The following GOLGA1 variants were observed in gnomAD, a reference collection of about 807,000 sequenced individuals.
GOLGA1 encodes golgin subfamily A member 1.
GOLGA1 carries 63 observed loss-of-function variants against 119.7 expected under a neutral mutation model. That is an observed-to-expected ratio of 0.53 (90% CI 0.43 to 0.65). GOLGA1 has a LOEUF of 0.65. Ranked by LOEUF, GOLGA1 falls within the 30% of genes least tolerant of loss-of-function variation. The pLI, the probability that GOLGA1 is intolerant of heterozygous loss-of-function variation, is 0.00. For synonymous variants in GOLGA1, 318 were observed against 333.4 expected, an observed-to-expected ratio of 0.95 and a Z score of 0.50; for missense variants, 798 against 912.8, an observed-to-expected ratio of 0.87 and a Z score of 1.62.
At chr9:124,908,726 A>G (rs1306926869) in intron 11 of GOLGA1, among the ~76,000 whole-genome samples, 1 of 152,266 alleles carries the variant, frequency 6.6e-6, no homozygotes, top group Non-Finnish European at 1.5e-5. Flanking sequence ...GTGTCCACAA[A>G]GAGGAAGAAG....
upstream of GOLGA1, among the ~76,000 whole-genome samples, chr9:124,942,195 G>C (rs889171139): frequency 6.6e-6 from 1 of 152,156 alleles, no homozygotes; most frequent in Non-Finnish European, 1.5e-5. Context: ...GCTTGAACCC[G>C]GGAGGTGTAG....
intron 15 of GOLGA1, among the ~76,000 whole-genome samples, chr9:124,893,680 C>T (rs2131388025): frequency 6.6e-6 from 1 of 152,288 alleles, no homozygotes; most frequent in East Asian, 1.9e-4. Context: ...TCAGGATCTC[C>T]CAGGCTGGAT....
At chr9:124,896,274 C>T (rs1829985142) in intron 15 of GOLGA1, among the ~76,000 whole-genome samples, 1 of 152,122 alleles carries the variant, frequency 6.6e-6, no homozygotes, top group African/African-American at 2.4e-5. Context: ...ATTAGCCAGG[C>T]ATGGTGGCAC....
intron 10 of GOLGA1, 108 bp from the exon 11 acceptor site, chr9:124,912,134 C>T: frequency 1.1e-6 from 1 of 920,510 alleles, no homozygotes; most frequent in East Asian, 2.6e-5. Context: ...CAACTGTATC[C>T]TAGAAGAACA....
At chr9:124,899,836 G>A (rs1254488345) in intron 13 of GOLGA1, among the ~76,000 whole-genome samples, 1 of 152,214 alleles carries the variant, frequency 6.6e-6, no homozygotes, top group African/African-American at 2.4e-5. Context: ...CAGCAATGAA[G>A]AACAGGGCTT....
chr9:124,915,626 G>T (rs537682718), intron 10 of GOLGA1, among the ~76,000 whole-genome samples: 6 of 152,030 alleles, frequency 3.9e-5, no homozygotes, highest in Non-Finnish European at 8.8e-5. Context: ...GAGGCAGGAG[G>T]CTTGCTTAAA....
In GOLGA1 at chr9:124,938,754, A is replaced by G; in HGVS notation, c.-43T>C. ...CCTGCACAGATGACGAGCTCTCAGT[A>G]GTCCTGGTGCCTGTGTTCAGGATTC... is the stretch of plus-strand genomic sequence containing the variant. On this transcript the variant is annotated 5_prime_UTR_variant, in exon 3 of 23. Transcript: ENST00000373555. 1 of 1,563,144 alleles carries G rather than the reference A, an allele frequency of 6.4e-7. No homozygotes were observed.
intron 3 of GOLGA1, 27 bp from the exon 4 acceptor site, chr9:124,931,433 G>A (rs112945811): frequency 1.1e-4 from 120 of 1,113,082 alleles, no homozygotes; most frequent in East Asian, 1.4e-4. Flanking sequence ...AAGGAAGGTC[G>A]TATTCATATA....
At chr9:124,920,870 A>G (rs1042291803) in intron 10 of GOLGA1, among the ~76,000 whole-genome samples, 4 of 151,800 alleles carry the variant, frequency 2.6e-5, no homozygotes, top group African/African-American at 4.8e-5. Context: ...AAAAAAAAAA[A>G]AGAGAGACAT....
chr9:124,882,175 C>G (rs1259960331), intron 20 of GOLGA1, among the ~76,000 whole-genome samples: 1 of 152,220 alleles, frequency 6.6e-6, no homozygotes. Flanking sequence ...TCCCTGGGGC[C>G]TGAAGCTGCT....
At chr9:124,935,309 C>T (rs567875146) in intron 3 of GOLGA1, among the ~76,000 whole-genome samples, 2 of 152,240 alleles carry the variant, frequency 1.3e-5, no homozygotes, top group East Asian at 3.9e-4. Context: ...ATAGCCTGAA[C>T]ATAATTTTAT....
chr9:124,918,049 T>A (rs1440277934), intron 10 of GOLGA1, among the ~76,000 whole-genome samples: 2 of 152,000 alleles, frequency 1.3e-5, no homozygotes, highest in East Asian at 3.9e-4. Flanking sequence ...ACAGGGTTTC[T>A]CCATGTTGGT....
chr9:124,881,565 G>T lies in GOLGA1; in HGVS notation c.2136+219C>A, dbSNP rs1037240234. On this transcript the variant is annotated intron_variant, in intron 21 of 22. Transcript: ENST00000373555. The surrounding 1 kb of genome is among the most constrained non-coding windows in gnomAD (Gnocchi z 4.9). The stretch of plus-strand genomic sequence containing the variant: ...GCACCCAGGCCAGGATTTAGAAGTG[G>T]AGCCTATGTCTCCCACCAGGAGCCA... Among the ~76,000 whole-genome samples, 4 of 152,184 alleles carry T rather than the reference G, an allele frequency of 2.6e-5. No homozygotes were observed. Among genetic ancestry groups the T allele is most frequent in the African/African-American group, 9.7e-5 (4 of 41,450 alleles).
Position 124,878,408 on chromosome 9 carries a change from A to C in GOLGA1, c.*2122T>G, listed in dbSNP as rs1829493519. ...GAGCTTTAATCAAAAAGTGTATTGC[A>C]CCACAGATGAATTTGCTACAGCAGT... is the stretch of plus-strand genomic sequence containing the variant. On this transcript the variant is annotated 3_prime_UTR_variant, in exon 23 of 23. Transcript: ENST00000373555. 1 of 152,596 alleles carries C rather than the reference A, an allele frequency of 6.6e-6. No individual in the cohort carries two copies. The highest frequency in any genetic ancestry group is 1.5e-5 in the Non-Finnish European group (1 of 68,032). 9.5% of individuals were successfully genotyped at this position (152,596 alleles called of 1,614,324 possible). A position where few individuals can be genotyped will look rare whatever the true frequency, so the allele number is the denominator to read the frequency against.
rs1371942390 is a variant in GOLGA1 at position 124,946,220 on chromosome 9, T to C, written c.-156+1698A>G. The C allele has an allele frequency of 6.6e-6, 1 of 152,212 alleles. No homozygotes were observed. Among genetic ancestry groups the C allele is most frequent in the Non-Finnish European group, 1.5e-5 (1 of 68,026 alleles). The allele number at this position is 152,212 out of a possible 1,614,324, so 9.4% of individuals were successfully genotyped here. On this transcript the variant is annotated intron_variant, in intron 1 of 4. Coordinates refer to the GOLGA1 transcript ENST00000421514. The surrounding 1 kb of genome is among the most constrained non-coding windows in gnomAD (Gnocchi z 4.0). ...TCAAACAACAAACCATCAGATCCTA[T>C]GGATGTTTTCACTGATTTTTCAGAA...
intron 15 of GOLGA1, among the ~76,000 whole-genome samples, chr9:124,898,044 T>A (rs1359138551): frequency 6.6e-6 from 1 of 152,214 alleles, no homozygotes; most frequent in Non-Finnish European, 1.5e-5. Flanking sequence ...TGATTAAAGC[T>A]CCAAGTTTGC....
Position 124,890,283 on chromosome 9 carries a change from C to A in GOLGA1, c.1497+106G>T, listed in dbSNP as rs185604241. On this transcript the variant is annotated intron_variant, in intron 16 of 22. Coordinates refer to ENST00000373555, the MANE Select transcript of GOLGA1 (RefSeq NM_002077.4). ...ATTCCCTGAGTCCTGAGTCTACTAC[C>A]CTACCCTGGAGAGACAGGCCCTCTC... is the stretch of plus-strand genomic sequence containing the variant. 5.1e-6 allele frequency: 4 copies of A among 787,306 alleles called. No individual in the cohort carries two copies. In the Admixed American group the frequency reaches 7.9e-5, roughly 16 times the overall value. 48.8% of individuals were successfully genotyped at this position (787,306 alleles called of 1,614,324 possible).
intron 12 of GOLGA1, among the ~76,000 whole-genome samples, chr9:124,905,861 G>C (rs888143132): frequency 6.6e-6 from 1 of 151,968 alleles, no homozygotes; most frequent in Non-Finnish European, 1.5e-5. Context: ...GTGGTGGCTC[G>C]TGCCTGTAAT....
chr9:124,897,667 TAC>T (rs1165326565), intron 15 of GOLGA1, among the ~76,000 whole-genome samples: 3 of 152,126 alleles, frequency 2.0e-5, no homozygotes, highest in Non-Finnish European at 2.9e-5. Flanking sequence ...TCCTAGCACT[TAC>T]AGTGATGCCT....
Sources: allele counts gnomAD v4.1 joint callset (sites outside exome capture counted in the v4.1 genomes callset), GRCh38; gene constraint gnomAD v4.1.1; non-coding constraint Gnocchi (gnomAD v3.1); transcripts MANE v1.5; gene names NCBI Gene and HGNC (gene_info 2026-07-23, HGNC 2026-07-21).